Variants in POU2AF1 observed in about 807,000 individuals in gnomAD.
The protein encoded by POU2AF1 is POU class 2 homeobox associating factor 1.
In POU2AF1, 12 loss-of-function variants were observed where a neutral mutation model predicts 26.3. That is an observed-to-expected ratio of 0.46 (90% CI 0.29 to 0.74). The LOEUF is 0.74. Among genes scored for constraint, POU2AF1 ranks in the 30% least tolerant of loss-of-function variants. POU2AF1 has a pLI of 0.09. For synonymous variants in POU2AF1, 175 were observed against 148.0 expected, an observed-to-expected ratio of 1.18 and a Z score of -1.32; for missense variants, 297 against 334.5, an observed-to-expected ratio of 0.89 and a Z score of 0.87.
intron 1 of POU2AF1, 47 bp from the exon 2 acceptor site, chr11:111,358,965 C>T: frequency 6.4e-7 from 1 of 1,560,054 alleles, no homozygotes; most frequent in Non-Finnish European, 8.6e-7. Flanking sequence ...CTCAGACGAG[C>T]CCCCACCCCA....
intron 1 of POU2AF1, 51 bp downstream of exon 1, chr11:111,379,111 C>A: frequency 6.2e-7 from 1 of 1,612,970 alleles, no homozygotes; most frequent in Non-Finnish European, 8.5e-7. Context: ...TGTGATCGCC[C>A]TGCCCCGCTG....
Position 111,354,155 on chromosome 11 carries a change from T to G in POU2AF1, c.*106A>C, listed in dbSNP as rs116351295. The G allele has an allele frequency of 2.9e-5, 36 of 1,220,564 alleles. No homozygotes were observed. Among genetic ancestry groups the G allele is most frequent in the Non-Finnish European group, 4.2e-5 (36 of 864,314 alleles). The allele number at this position is 1,220,564 out of a possible 1,614,324, so 75.6% of individuals were successfully genotyped here. On this transcript the variant is annotated 3_prime_UTR_variant, in exon 5 of 5. Coordinates refer to ENST00000393067, the MANE Select transcript of POU2AF1 (RefSeq NM_006235.3). Reference sequence around the variant, plus strand: ...TACAATTCTAGCTGTGCGTAGAAAGTGTAGTCATGAAATGACTACTCCAAA... The same window carrying G: ...TACAATTCTAGCTGTGCGTAGAAAGGGTAGTCATGAAATGACTACTCCAAA...
intron 1 of POU2AF1, among the ~76,000 whole-genome samples, chr11:111,375,390 C>CTTTTTTTTTTTTTTTTTTT (rs869115956): frequency 1.3e-5 from 1 of 79,488 alleles, no homozygotes; most frequent in Non-Finnish European, 2.2e-5. Context: ...TACTGAGTAT[C>CTTTTTTTTTTTTTTTTTTT]TTTTTTTTTT....
At chr11:111,362,325 A>G (rs1861026503) in intron 1 of POU2AF1, among the ~76,000 whole-genome samples, 3 of 152,232 alleles carry the variant, frequency 2.0e-5, no homozygotes, top group African/African-American at 7.2e-5. Flanking sequence ...CAATCCAATT[A>G]TACTTTTAGT....
chr11:111,369,906 T>G (rs1861176104), intron 1 of POU2AF1, among the ~76,000 whole-genome samples: 1 of 152,220 alleles, frequency 6.6e-6, no homozygotes, highest in Non-Finnish European at 1.5e-5. Flanking sequence ...AGGAGGCAGA[T>G]GGATATCCGA....
At chr11:111,365,655 C>T (rs139133558) in intron 1 of POU2AF1, among the ~76,000 whole-genome samples, 31 of 152,282 alleles carry the variant, frequency 2.0e-4, no homozygotes, top group African/African-American at 7.0e-4. Context: ...TCACAATAGT[C>T]GTTGTCACCT....
At chr11:111,370,753 A>C (rs1265534861) in intron 1 of POU2AF1, among the ~76,000 whole-genome samples, 1 of 152,220 alleles carries the variant, frequency 6.6e-6, no homozygotes, top group Non-Finnish European at 1.5e-5. Context: ...TTATGTCCTA[A>C]GATGCATCTG....
intron 1 of POU2AF1, among the ~76,000 whole-genome samples, chr11:111,378,074 G>T (rs896258455): frequency 6.6e-6 from 1 of 152,118 alleles, no homozygotes; most frequent in Non-Finnish European, 1.5e-5. Context: ...ATTTACATAA[G>T]ACATAAAGCA....
chr11:111,353,926 A>G lies in POU2AF1; in HGVS notation c.*335T>C, dbSNP rs1456666512. 1 of 295,354 alleles carries G rather than the reference A, an allele frequency of 3.4e-6. No homozygotes were observed. The allele number at this position is 295,354 out of a possible 1,614,324, so 18.3% of individuals were successfully genotyped here. ...GAGGGAGGTAAAGAAGGAAAGGGAG[A>G]AGGGAAGGAGGGAAGGAAGGGAGGG... On this transcript the variant is annotated 3_prime_UTR_variant, in exon 5 of 5. Transcript: ENST00000393067.
chr11:111,354,105 A>C lies in POU2AF1; in HGVS notation c.*156T>G. Reference sequence around the variant, plus strand: ...GGAAGTGAGGGAGGGAGGGGAAGGAAGAAGGGAAGGAAGGTTTACAGGTCT... The same window carrying C: ...GGAAGTGAGGGAGGGAGGGGAAGGACGAAGGGAAGGAAGGTTTACAGGTCT... On this transcript the variant is annotated 3_prime_UTR_variant, in exon 5 of 5. Coordinates refer to ENST00000393067, the MANE Select transcript of POU2AF1 (RefSeq NM_006235.3). 3 of 706,728 alleles carry C rather than the reference A, an allele frequency of 4.2e-6. No individual in the cohort carries two copies. Among genetic ancestry groups the C allele is most frequent in the African/African-American group, 1.9e-5 (1 of 53,330 alleles). 43.8% of individuals were successfully genotyped at this position (706,728 alleles called of 1,614,324 possible).
At chr11:111,359,900 A>G in intron 1 of POU2AF1, 1 of 517,446 alleles carries the variant, frequency 1.9e-6, no homozygotes, top group Admixed American at 1.9e-5. Flanking sequence ...CACCTCTCCT[A>G]CACCTTTAGG....
At position 111,353,093 on chromosome 11, in the gene POU2AF1, G is replaced by A. The variant is rs973038780; in HGVS notation, c.*1168C>T. On this transcript the variant is annotated 3_prime_UTR_variant, in exon 5 of 5. Transcript: ENST00000393067. Reference sequence around the variant, plus strand: ...CCACATGGTAGCACTAAGCCTAGGCGAGGACCCATCACCTTTAGGCTTAAT... The same window carrying A: ...CCACATGGTAGCACTAAGCCTAGGCAAGGACCCATCACCTTTAGGCTTAAT... The A allele has an allele frequency of 9.2e-5, 21 of 227,110 alleles. No homozygotes were observed. The highest frequency in any genetic ancestry group is 1.1e-4 in the Admixed American group (2 of 17,560). 14.1% of individuals were successfully genotyped at this position (227,110 alleles called of 1,614,324 possible). A position where few individuals can be genotyped will look rare whatever the true frequency, so the allele number is the denominator to read the frequency against.
At chr11:111,360,732 T>C (rs1258139151) in intron 1 of POU2AF1, among the ~76,000 whole-genome samples, 1 of 152,018 alleles carries the variant, frequency 6.6e-6, no homozygotes, top group African/African-American at 2.4e-5. Context: ...GATCACAAGG[T>C]CAGGAGATTA....
chr11:111,356,587 C>T (rs1860850712), intron 4 of POU2AF1, among the ~76,000 whole-genome samples: 1 of 152,226 alleles, frequency 6.6e-6, no homozygotes, highest in African/African-American at 2.4e-5. Flanking sequence ...CCCTTGAATA[C>T]TTGCAAAATT....
chr11:111,363,827 T>C (rs1050329984), intron 1 of POU2AF1: 2 of 985,358 alleles, frequency 2.0e-6, no homozygotes, highest in East Asian at 2.3e-4. Flanking sequence ...CCTGAAGCTT[T>C]CTCACCATTA....
At chr11:111,357,894 T>C (rs1208591241) in intron 2 of POU2AF1, 57 bp from the exon 3 acceptor site, 1 of 1,507,044 alleles carries the variant, frequency 6.6e-7, no homozygotes, top group African/African-American at 1.4e-5. Context: ...ACCGGCCCTG[T>C]GCAGAGAACT....
chr11:111,362,066 G>A (rs1199762206), intron 1 of POU2AF1, among the ~76,000 whole-genome samples: 2 of 152,190 alleles, frequency 1.3e-5, no homozygotes, highest in Admixed American at 6.5e-5. Context: ...GATGACCACA[G>A]GCCCCAGGTA....
intron 1 of POU2AF1, among the ~76,000 whole-genome samples, chr11:111,366,906 T>G (rs1255819807): frequency 3.9e-5 from 6 of 152,088 alleles, no homozygotes; most frequent in Non-Finnish European, 8.8e-5. Flanking sequence ...CAGGGATCCC[T>G]CTAGGTTGTA....
intron 1 of POU2AF1, among the ~76,000 whole-genome samples, chr11:111,361,888 C>G (rs1327958430): frequency 6.6e-6 from 1 of 152,216 alleles, no homozygotes; most frequent in Non-Finnish European, 1.5e-5. Context: ...ATATTCCCTT[C>G]CGAAATCTGA....
Sources: gnomAD v4.1 joint callset for allele counts (sites outside exome capture counted in the v4.1 genomes callset) on GRCh38, gnomAD v4.1.1 for gene constraint, MANE v1.5 for transcripts, NCBI Gene and HGNC (gene_info 2026-07-23, HGNC 2026-07-21) for gene names.